Variants in THADA observed in about 807,000 individuals in gnomAD.
THADA encodes tRNA (32-2'-O)-methyltransferase regulator THADA.
A neutral mutation model predicts 219.8 loss-of-function variants in THADA; 213 were observed. The observed-to-expected ratio is 0.97, with a 90% CI of 0.87 to 1.09. The LOEUF (loss-of-function observed/expected upper bound fraction) is 1.09. THADA is among the 50% of genes least tolerant of loss of function. The pLI, the probability that THADA is intolerant of heterozygous loss-of-function variation, is 0.00. For synonymous variants in THADA, 1,018 were observed against 828.9 expected (o/e 1.23, Z -3.92); for missense variants, 2,956 against 2,311.3 (o/e 1.28, Z -5.72).
intron 28 of THADA, among the ~76,000 whole-genome samples, chr2:43,401,928 GGTTTTTTGTT>G (rs2104729598): frequency 6.7e-6 from 1 of 148,486 alleles, no homozygotes; most frequent in African/African-American, 2.5e-5. Context: ...CTAAATGAGT[GGTTTTTTGTT>G]GTTTTTTTTT....
At chr2:43,496,847 T>C (rs1688334248) in intron 25 of THADA, among the ~76,000 whole-genome samples, 1 of 152,168 alleles carries the variant, frequency 6.6e-6, no homozygotes, top group African/African-American at 2.4e-5. Context: ...TTATACATTA[T>C]AATTCATTGC....
At chr2:43,411,816 C>G (rs1676345046) in intron 28 of THADA, among the ~76,000 whole-genome samples, 1 of 152,190 alleles carries the variant, frequency 6.6e-6, no homozygotes, top group Non-Finnish European at 1.5e-5. Flanking sequence ...TATTATACAG[C>G]TGAAGCCCTC....
intron 22 of THADA, among the ~76,000 whole-genome samples, chr2:43,509,864 G>A (rs1690171776): frequency 6.6e-6 from 1 of 152,110 alleles, no homozygotes; most frequent in South Asian, 2.1e-4. Flanking sequence ...AGCAGGCTCT[G>A]TGATTCTAAA....
chr2:43,249,262 T>C (rs931825475), intron 36 of THADA, among the ~76,000 whole-genome samples: 1 of 151,836 alleles, frequency 6.6e-6, no homozygotes. Context: ...TAATTTTGCA[T>C]TTTTTGTAGA....
At chr2:43,467,607 C>A (rs1684412508) in intron 26 of THADA, among the ~76,000 whole-genome samples, 1 of 152,328 alleles carries the variant, frequency 6.6e-6, no homozygotes, top group South Asian at 2.1e-4. Context: ...AAAGTTTTCA[C>A]ATCTGCAGAG....
At chr2:43,396,422 G>A (rs983548763) in intron 29 of THADA, among the ~76,000 whole-genome samples, 9 of 152,042 alleles carry the variant, frequency 5.9e-5, no homozygotes, top group African/African-American at 1.9e-4. Context: ...TTTTGTCCTT[G>A]GCTCCTTCAA....
At chr2:43,326,315 G>A (rs995227290) in intron 30 of THADA, among the ~76,000 whole-genome samples, 7 of 152,186 alleles carry the variant, frequency 4.6e-5, no homozygotes, top group African/African-American at 1.7e-4. Flanking sequence ...TTGGCAGAGA[G>A]TTGGAGAATG....
chr2:43,451,272 T>A (rs1682290626), intron 26 of THADA, among the ~76,000 whole-genome samples: 1 of 152,168 alleles, frequency 6.6e-6, no homozygotes, highest in Non-Finnish European at 1.5e-5. Context: ...AGAGGCAAAG[T>A]TTAGAGCTTG....
chr2:43,564,628 G>T (rs1698457688), intron 15 of THADA: 1 of 152,188 alleles, frequency 6.6e-6, no homozygotes, highest in Non-Finnish European at 1.5e-5. Flanking sequence ...AGCTTCTAAA[G>T]ATTTGATGTG....
Position 43,560,236 on chromosome 2 carries a change from G to A in THADA, c.2461C>T (p.Gln821Ter). 1 of 1,609,686 alleles carries A rather than the reference G, an allele frequency of 6.2e-7. No homozygotes were observed. The highest frequency in any genetic ancestry group is 1.1e-5 in the South Asian group (1 of 89,890). The change falls in exon 16 of 38, where the codon CAG (glutamine) becomes TAG (stop). Residue 821 changes from glutamine (Q) to a stop codon, truncating the protein, a stop_gained and splice_region_variant. Coordinates refer to ENST00000405975, the MANE Select transcript of THADA (RefSeq NM_022065.5). LOFTEE classifies it high-confidence loss of function. Reference protein sequence around the residue: ...MKLSKTAVHFQDSGKLQGLFQ... With the variant: ...MKLSKTAVHF ...TTATACTAGAAAAGTCCTGATACCT[G>A]AAAATGTACAGCTGTTTTTGATAAC...
intron 36 of THADA, among the ~76,000 whole-genome samples, chr2:43,273,142 A>G (rs113543283): frequency 0.22 from 33,686 of 151,812 alleles, 4,551 homozygotes; most frequent in African/African-American, 0.38. Flanking sequence ...CCAGCTACTC[A>G]GGAGGCTGAG....
At chr2:43,302,781 G>A (rs928717516) in intron 31 of THADA, among the ~76,000 whole-genome samples, 5 of 152,106 alleles carry the variant, frequency 3.3e-5, no homozygotes, top group South Asian at 2.1e-4. Flanking sequence ...GCCAGGTATC[G>A]TGGCGTGCAC....
chr2:43,268,239 A>G (rs1671744268), intron 36 of THADA, among the ~76,000 whole-genome samples: 1 of 152,230 alleles, frequency 6.6e-6, no homozygotes, highest in South Asian at 2.1e-4. Context: ...ATGATGCATC[A>G]GTGAACAGGT....
At chr2:43,589,433 G>T (rs1701326881) in intron 4 of THADA, among the ~76,000 whole-genome samples, 1 of 152,216 alleles carries the variant, frequency 6.6e-6, no homozygotes. Context: ...TTTATGAACG[G>T]AAAGTGGCTG....
chr2:43,300,129 C>T (rs992131218), intron 31 of THADA, among the ~76,000 whole-genome samples: 7 of 151,052 alleles, frequency 4.6e-5, no homozygotes, highest in South Asian at 2.1e-4. Flanking sequence ...TTTAATGCTA[C>T]GAATAAAAAT....
intron 15 of THADA, chr2:43,562,157 T>G (rs1698143092): frequency 6.6e-6 from 1 of 152,266 alleles, no homozygotes; most frequent in Admixed American, 6.5e-5. Flanking sequence ...AGTATTCTAT[T>G]GAGGGTTTTT....
At chr2:43,370,481 C>A (rs1187980426) in intron 29 of THADA, among the ~76,000 whole-genome samples, 2 of 152,032 alleles carry the variant, frequency 1.3e-5, no homozygotes, top group Non-Finnish European at 2.9e-5. Context: ...TTGAACACTG[C>A]AAATGTTCAA....
chr2:43,580,407 A>G (rs1054321845), intron 8 of THADA, among the ~76,000 whole-genome samples: 1 of 152,084 alleles, frequency 6.6e-6, no homozygotes, highest in African/African-American at 2.4e-5. Context: ...TTTTTAGACT[A>G]ACACAGTCCT....
chr2:43,594,999 C>G (rs543513458), intron 1 of THADA, among the ~76,000 whole-genome samples: 141 of 152,344 alleles, frequency 9.3e-4, no homozygotes, highest in African/African-American at 3.3e-3. Context: ...TAGTAGCAAA[C>G]TGAATGAAGG....
Sources: gnomAD v4.1 joint callset for allele counts (sites outside exome capture counted in the v4.1 genomes callset) on GRCh38, gnomAD v4.1.1 for gene constraint, MANE v1.5 for transcripts, NCBI Gene and HGNC (gene_info 2026-07-23, HGNC 2026-07-21) for gene names.